Variants in CRACD observed in about 807,000 individuals in gnomAD.
CRACD encodes the protein capping protein-inhibiting regulator of actin dynamics.
In CRACD, 56 loss-of-function variants were observed where a neutral mutation model predicts 106.8. The ratio of observed to expected loss-of-function variants is 0.52; its 90% CI spans 0.42 to 0.66. The LOEUF (loss-of-function observed/expected upper bound fraction) is 0.66. Among genes scored for constraint, CRACD ranks in the 30% least tolerant of loss-of-function variants. The pLI is 0.00. For synonymous variants in CRACD, 754 were observed against 670.8 expected (o/e 1.12, Z -1.92); for missense variants, 1,730 against 1,623.2 (o/e 1.07, Z -1.13).
rs1450037207 is a variant in CRACD, at chr4:56,315,060, G to A, written c.1558G>A (p.Glu520Lys). The A allele has an allele frequency of 6.2e-7, 1 of 1,609,310 alleles. No individual in the cohort carries two copies. The change falls in exon 8 of 11, where the codon GAG becomes AAG. Residue 520 changes from glutamate (E) to lysine (K), a missense_variant. Glu to Lys is a moderately conservative substitution (Grantham distance 56, BLOSUM62 1). Coordinates refer to ENST00000682029, the MANE Select transcript of CRACD (RefSeq NM_001393381.1). The surrounding 1 kb of genome is among the most constrained non-coding windows in gnomAD (Gnocchi z 4.1). ...AAALEQGRKV[E>K]ELRWQEVDER... ...CGCCCTTGAACAAGGCCGCAAGGTG[G>A]AGGAGCTGCGGTGGCAGGAGGTGGA...
intron 1 of CRACD, among the ~76,000 whole-genome samples, chr4:56,163,923 T>G (rs1736049012): frequency 1.3e-5 from 2 of 152,074 alleles, no homozygotes; most frequent in Non-Finnish European, 2.9e-5. Flanking sequence ...TTTTTTTGTA[T>G]TTTTAGTAGA....
chr4:56,172,121 C>T (rs1194920856), intron 1 of CRACD, among the ~76,000 whole-genome samples: 1 of 145,328 alleles, frequency 6.9e-6, no homozygotes, highest in Admixed American at 7.4e-5. Flanking sequence ...CAGTATCCTT[C>T]TGTTAGTTGG....
chr4:56,247,286 T>G (rs1159290512), intron 2 of CRACD, among the ~76,000 whole-genome samples: 1 of 106,552 alleles, frequency 9.4e-6, no homozygotes, highest in East Asian at 2.0e-4. Flanking sequence ...TAGATCAGTC[T>G]TACAGTGAAT....
At chr4:56,254,110 A>G (rs979488955) in intron 2 of CRACD, among the ~76,000 whole-genome samples, 7 of 152,196 alleles carry the variant, frequency 4.6e-5, no homozygotes, top group African/African-American at 1.4e-4. Flanking sequence ...CCAGAATAGG[A>G]CCATGCCAGC....
chr4:56,192,407 A>G (rs1450575280), intron 2 of CRACD, among the ~76,000 whole-genome samples: 1 of 152,062 alleles, frequency 6.6e-6, no homozygotes, highest in Non-Finnish European at 1.5e-5. Flanking sequence ...AAAAAAAAAA[A>G]GAAAGTATAC....
chr4:56,126,785 C>T (rs988865196), intron 1 of CRACD, among the ~76,000 whole-genome samples: 3 of 152,142 alleles, frequency 2.0e-5, no homozygotes, highest in African/African-American at 7.2e-5. Context: ...TATGATCCCA[C>T]TTGTGTTCTA....
chr4:56,167,324 A>G (rs1320078491), intron 1 of CRACD, among the ~76,000 whole-genome samples: 4 of 152,254 alleles, frequency 2.6e-5, no homozygotes, highest in African/African-American at 9.6e-5. Context: ...GTGTAGGACA[A>G]TGTGTATCTA....
intron 2 of CRACD, among the ~76,000 whole-genome samples, chr4:56,221,087 G>A (rs1739006419): frequency 6.6e-6 from 1 of 152,136 alleles, no homozygotes; most frequent in Non-Finnish European, 1.5e-5. Flanking sequence ...GCTAGATTAT[G>A]AAAGATGTTG....
chr4:56,088,457 T>C (rs1296397631), intron 1 of CRACD, among the ~76,000 whole-genome samples: 1 of 151,650 alleles, frequency 6.6e-6, no homozygotes, highest in Non-Finnish European at 1.5e-5. Context: ...TGCCTCAGCC[T>C]CCCAAGTGGG....
chr4:56,101,630 G>C (rs1260835118), intron 1 of CRACD, among the ~76,000 whole-genome samples: 1 of 151,934 alleles, frequency 6.6e-6, no homozygotes, highest in African/African-American at 2.4e-5. Flanking sequence ...GGGTGTGGTG[G>C]TGGGCATCTG....
chr4:56,078,871 C>T (rs1004138248), intron 1 of CRACD, among the ~76,000 whole-genome samples: 5 of 152,270 alleles, frequency 3.3e-5, no homozygotes, highest in African/African-American at 9.6e-5. Context: ...AGAGAGAGTT[C>T]ACCCTGGAGG....
chr4:56,233,356 C>T (rs945978627), intron 2 of CRACD, among the ~76,000 whole-genome samples: 1 of 152,142 alleles, frequency 6.6e-6, no homozygotes, highest in African/African-American at 2.4e-5. Context: ...ATCCACCTGC[C>T]TCAGTCTCCC....
chr4:56,090,376 C>T (rs528141999), intron 1 of CRACD, among the ~76,000 whole-genome samples: 2 of 152,062 alleles, frequency 1.3e-5, no homozygotes, highest in African/African-American at 2.4e-5. Flanking sequence ...AGGCTGGGTC[C>T]GAGGATGAGC....
In CRACD at chr4:56,227,610, G is replaced by C. The variant is rs535597662; in HGVS notation, c.-188-44711G>C. Among the ~76,000 whole-genome samples the C allele has an allele frequency of 1.2e-4, 18 of 152,204 alleles. No homozygotes were observed. In the East Asian group the frequency reaches 3.5e-3, roughly 29 times the overall value. On this transcript the variant is annotated intron_variant, in intron 2 of 10. Coordinates refer to ENST00000682029, the MANE Select transcript of CRACD (RefSeq NM_001393381.1). ...AGATAGTAAATATTTTAGGCTTTACGGGCCACATAGACCGGCTGCAGCTGT... is the reference window on the plus strand; with the variant it reads ...AGATAGTAAATATTTTAGGCTTTACCGGCCACATAGACCGGCTGCAGCTGT...
chr4:56,067,832 T>G (rs1028924932), intron 1 of CRACD, among the ~76,000 whole-genome samples: 5 of 152,356 alleles, frequency 3.3e-5, no homozygotes, highest in Non-Finnish European at 7.3e-5. Context: ...TGCCTCGGCC[T>G]TCCAAAGTGC....
chr4:56,250,119 CT>C (rs2109585960), intron 2 of CRACD, among the ~76,000 whole-genome samples: 1 of 152,218 alleles, frequency 6.6e-6, no homozygotes, highest in South Asian at 2.1e-4. Context: ...TCTTTTTCCT[CT>C]TTATTTTTTT....
chr4:56,139,959 T>G (rs1010176393), intron 1 of CRACD, among the ~76,000 whole-genome samples: 1 of 152,212 alleles, frequency 6.6e-6, no homozygotes, highest in Non-Finnish European at 1.5e-5. Context: ...ATTTGGTATT[T>G]AGGTTTTTCA....
Position 56,327,709 on chromosome 4 carries a change from C to G in CRACD, c.3607C>G (p.Pro1203Ala). The G allele has an allele frequency of 6.2e-7, 1 of 1,614,164 alleles. No individual in the cohort carries two copies. Among genetic ancestry groups the G allele is most frequent in the South Asian group, 1.1e-5 (1 of 91,072 alleles). The change falls in exon 11 of 11, where the codon CCG becomes GCG. Residue 1203 changes from proline (P) to alanine (A), a missense_variant. This residue lies in a region of CRACD where 89 missense variants were observed against 89.6 expected (regional missense o/e 0.99). Transcript: ENST00000682029. ...AGAAGTCACCAAGAGGTTTTCCACC[C>G]CGGATGCTGCCCCCGTGTCAACAGA... Reference protein sequence around the residue: ...VKEVTKRFSTPDAAPVSTEPA... With the variant: ...VKEVTKRFSTADAAPVSTEPA...
intron 2 of CRACD, among the ~76,000 whole-genome samples, chr4:56,267,124 G>GTT (rs1553915653): frequency 6.7e-5 from 10 of 149,186 alleles, no homozygotes; most frequent in Non-Finnish European, 3.0e-5. Flanking sequence ...ATTTATTTAA[G>GTT]TTTTTTTTTT....
Sources: allele counts gnomAD v4.1 joint callset (sites outside exome capture counted in the v4.1 genomes callset), GRCh38; gene constraint gnomAD v4.1.1; regional missense constraint gnomAD v4.1.1; non-coding constraint Gnocchi (gnomAD v3.1); transcripts MANE v1.5; gene names NCBI Gene and HGNC (gene_info 2026-07-23, HGNC 2026-07-21).